Variants in ITGAE observed in about 807,000 individuals in gnomAD.
ITGAE encodes integrin alpha-E.
ITGAE carries 99 observed loss-of-function variants against 136.5 expected under a neutral mutation model. That is an observed-to-expected ratio of 0.73 (90% CI 0.62 to 0.86). The LOEUF is 0.86. Ranked by LOEUF, ITGAE falls within the 40% of genes least tolerant of loss-of-function variation. The probability of loss-of-function intolerance (pLI) is 0.00; values close to 1 mark genes in which losing one functional copy is unlikely to be tolerated. For synonymous variants in ITGAE, 613 were observed against 591.8 expected, an observed-to-expected ratio of 1.04 and a Z score of -0.52; for missense variants, 1,447 against 1,515.3, an observed-to-expected ratio of 0.95 and a Z score of 0.75.
intron 6 of ITGAE, among the ~76,000 whole-genome samples, chr17:3,760,796 T>C (rs1010777542): frequency 3.3e-5 from 5 of 152,068 alleles, no homozygotes; most frequent in African/African-American, 1.2e-4. Context: ...CTGGTCAGGC[T>C]TTGTGTGCTG....
chr17:3,776,742 G>GT (rs2052549903), intron 2 of ITGAE, among the ~76,000 whole-genome samples: 2 of 145,806 alleles, frequency 1.4e-5, no homozygotes, highest in Non-Finnish European at 3.0e-5. Flanking sequence ...TTTTTTTTGA[G>GT]TTGGGGGGGT....
chr17:3,743,486 C>G lies in ITGAE; in HGVS notation c.2448+3G>C. 1.3e-6 allele frequency: 2 copies of G among 1,590,090 alleles called. No homozygotes were observed. The highest frequency in any genetic ancestry group is 1.7e-6 in the Non-Finnish European group (2 of 1,170,902). On this transcript the variant is annotated splice_donor_region_variant and intron_variant, in intron 19 of 30. Coordinates refer to ENST00000263087, the MANE Select transcript of ITGAE (RefSeq NM_002208.5). ...GCTGGGTACTGGCTGTGGGTAGAGT[C>G]ACCTGGAAGATGGCAAAGGGCTCAG...
At chr17:3,724,169 G>A (rs1240960220) in intron 26 of ITGAE, 1 of 1,592,982 alleles carries the variant, frequency 6.3e-7, no homozygotes, top group South Asian at 1.1e-5. Context: ...CGGTGAGGCG[G>A]CGGCGGAGGC....
Position 3,776,214 on chromosome 17 carries a change from C to T in ITGAE, c.155+1326G>A, listed in dbSNP as rs577465931. Among the ~76,000 whole-genome samples the T allele has an allele frequency of 7.2e-5, 11 of 151,930 alleles. 1 individual carries two copies. Among genetic ancestry groups the T allele is most frequent in the South Asian group, 4.1e-4 (2 of 4,820 alleles). ...CTGGGACTACGCGCGTGTACCACCA[C>T]GCCCAGATAATTTTTGTATTTTTAG... On this transcript the variant is annotated intron_variant, in intron 2 of 30. Coordinates refer to ENST00000263087, the MANE Select transcript of ITGAE (RefSeq NM_002208.5).
chr17:3,764,148 G>A (rs2052238690), intron 2 of ITGAE, among the ~76,000 whole-genome samples, 188 bp from the exon 3 acceptor site: 1 of 152,208 alleles, frequency 6.6e-6, no homozygotes, highest in Non-Finnish European at 1.5e-5. Flanking sequence ...ACAGCACCAG[G>A]CAGGAAATGG....
In ITGAE at chr17:3,748,047, C is replaced by T. The variant is rs745656428; in HGVS notation, c.2030G>A (p.Arg677Gln). Residue 677 changes from arginine to glutamine, a missense_variant, in exon 17 of 31, where the codon CGG (arginine) becomes CAG (glutamine). Coordinates refer to ENST00000263087, the MANE Select transcript of ITGAE (RefSeq NM_002208.5). ...GGAGACCTTCAGGCGAACCACAGGC[C>T]GGGAGCTAAACAAGACAGCAAAGAG... ...TLGQAVVFRSRPVVRLKVSMA... is the reference protein window; with the variant it reads ...TLGQAVVFRSQPVVRLKVSMA... The T allele has an allele frequency of 1.9e-5, 31 of 1,610,494 alleles. No individual in the cohort carries two copies. Among genetic ancestry groups the T allele is most frequent in the Admixed American group, 1.0e-4 (6 of 59,868 alleles).
intron 27 of ITGAE, 115 bp downstream of exon 27, chr17:3,723,573 G>A: frequency 8.4e-7 from 1 of 1,184,034 alleles, no homozygotes; most frequent in Non-Finnish European, 1.2e-6. Context: ...GGGAGGGCCT[G>A]GCAGCCCCCG....
rs535583459 is a variant in ITGAE at position 3,799,220 on chromosome 17, C to T, written c.34+1891G>A. 1.4e-4 allele frequency among the ~76,000 whole-genome samples: 21 copies of T among 152,160 alleles called. No individual in the cohort carries two copies. Among genetic ancestry groups the T allele is most frequent in the Non-Finnish European group, 2.5e-4 (17 of 68,012 alleles). ...TCCAGGAAACTCTCCTGGACTGGCC[C>T]ATCCTAGTCTCAGGACCTCACAGCA... On this transcript the variant is annotated intron_variant, in intron 1 of 30. Coordinates refer to ENST00000263087, the MANE Select transcript of ITGAE (RefSeq NM_002208.5). The surrounding 1 kb of genome is among the most constrained non-coding windows in gnomAD (Gnocchi z 4.1).
intron 26 of ITGAE, chr17:3,726,598 C>T: frequency 2.4e-6 from 1 of 425,062 alleles, no homozygotes; most frequent in East Asian, 3.9e-5. Flanking sequence ...GAGGCTGAGG[C>T]AGGAGGATCG....
Position 3,720,278 on chromosome 17 carries a change from G to A in ITGAE, c.3333+29C>T, listed in dbSNP as rs201698597. On this transcript the variant is annotated intron_variant, in intron 29 of 30. Transcript: ENST00000263087. ...AAAGGTTAGGCACAATTTTCCTTGGGCACTACTCAGAAGCCAGCCAGGAAT... is the reference window on the plus strand; with the variant it reads ...AAAGGTTAGGCACAATTTTCCTTGGACACTACTCAGAAGCCAGCCAGGAAT... 1.2e-4 allele frequency: 135 copies of A among 1,083,672 alleles called. No individual in the cohort carries two copies. The East Asian group carries it at 3.2e-3, about 26-fold the overall frequency. The allele number at this position is 1,083,672 out of a possible 1,614,324, so 67.1% of individuals were successfully genotyped here. A position where few individuals can be genotyped will look rare whatever the true frequency, so the allele number is the denominator to read the frequency against.
At chr17:3,748,476 A>C (rs966188128) in intron 16 of ITGAE, among the ~76,000 whole-genome samples, 1 of 152,030 alleles carries the variant, frequency 6.6e-6, no homozygotes, top group Non-Finnish European at 1.5e-5. Context: ...AATCCCACCT[A>C]CTTGGGAGGC....
Position 3,761,533 on chromosome 17 carries a change from A to G in ITGAE, c.316-13T>C. On this transcript the variant is annotated splice_polypyrimidine_tract_variant and intron_variant, in intron 4 of 30. Coordinates refer to ENST00000263087, the MANE Select transcript of ITGAE (RefSeq NM_002208.5). Reference sequence around the variant, plus strand: ...CTTGAATGCATATCTGTGGGAGGGAAGAGAGGGTGGGGAAACACCAGGTCA... The same window carrying G: ...CTTGAATGCATATCTGTGGGAGGGAGGAGAGGGTGGGGAAACACCAGGTCA... 6.2e-7 allele frequency: 1 copy of G among 1,604,952 alleles called. No individual in the cohort carries two copies.
At chr17:3,724,327 G>A (rs767744733) in intron 26 of ITGAE, 13 of 1,588,070 alleles carry the variant, frequency 8.2e-6, no homozygotes, top group Non-Finnish European at 1.1e-5. Flanking sequence ...ACACCCTGCG[G>A]CCCGCTCCGA....
At position 3,717,108 on chromosome 17, in the gene ITGAE, C is replaced by T. The variant is rs1240628403; in HGVS notation, c.3334-310G>A. 16 of 289,956 alleles carry T rather than the reference C, an allele frequency of 5.5e-5. 1 individual carries two copies. The highest frequency in any genetic ancestry group is 2.2e-4 in the South Asian group (6 of 27,762). 18.0% of individuals were successfully genotyped at this position (289,956 alleles called of 1,614,324 possible). ...GCTTGAAAGAGGGTCCCACGGAATC[C>T]GGTCTCAACACAGGACTGTGAGGCT... is the stretch of plus-strand genomic sequence containing the variant. On this transcript the variant is annotated intron_variant, in intron 29 of 30. Transcript: ENST00000263087.
intron 1 of ITGAE, among the ~76,000 whole-genome samples, chr17:3,780,018 G>T (rs1326406236): frequency 6.6e-6 from 1 of 152,160 alleles, no homozygotes; most frequent in Non-Finnish European, 1.5e-5. Flanking sequence ...TTGTTGCCCA[G>T]GCTGGAGTGC....
chr17:3,728,189 G>A (rs746046912), intron 24 of ITGAE, 21 bp from the exon 25 acceptor site: 8 of 1,594,564 alleles, frequency 5.0e-6, no homozygotes, highest in East Asian at 2.2e-5. Flanking sequence ...CAGGACATGC[G>A]TCAGCCCTTG....
intron 5 of ITGAE, 54 bp downstream of exon 5, chr17:3,761,349 G>T: frequency 6.4e-7 from 1 of 1,553,500 alleles, no homozygotes; most frequent in South Asian, 1.2e-5. Context: ...TTTTCTTGGA[G>T]ACCAAGGAGA....
chr17:3,773,048 G>A (rs78884712), intron 2 of ITGAE, among the ~76,000 whole-genome samples: 30,485 of 152,042 alleles, frequency 0.2, 3,268 homozygotes, highest in African/African-American at 0.27. Flanking sequence ...CCTAACTTCC[G>A]AGGCCCATCA....
chr17:3,718,284 A>C (rs1460076751), intron 29 of ITGAE: 1 of 152,280 alleles, frequency 6.6e-6, no homozygotes, highest in African/African-American at 2.4e-5. Context: ...TCATCCCTGA[A>C]AAGGGAAGGC....
Sources: gnomAD v4.1 joint callset for allele counts (sites outside exome capture counted in the v4.1 genomes callset) on GRCh38, gnomAD v4.1.1 for gene constraint, Gnocchi (gnomAD v3.1) non-coding constraint, MANE v1.5 for transcripts, NCBI Gene and HGNC (gene_info 2026-07-23, HGNC 2026-07-21) for gene names.